SRGAP3: variants seen among roughly 807,000 people sequenced by gnomAD.
SRGAP3 encodes SLIT-ROBO Rho GTPase-activating protein 3.
SRGAP3 carries 39 observed loss-of-function variants against 121.1 expected under a neutral mutation model. That is an observed-to-expected ratio of 0.32 (90% confidence interval 0.25 to 0.42). The LOEUF (loss-of-function observed/expected upper bound fraction) is 0.42. SRGAP3 is among the 10% of genes least tolerant of loss of function. The pLI is 1.00. For synonymous variants in SRGAP3, 601 were observed against 570.0 expected, an observed-to-expected ratio of 1.05 and a Z score of -0.77; for missense variants, 1,213 against 1,470.6, an observed-to-expected ratio of 0.82 and a Z score of 2.86.
Position 9,284,110 on chromosome 3 carries a change from C to T in SRGAP3, n.442+41900G>A, listed in dbSNP as rs116115008. Among the ~76,000 whole-genome samples, 205 of 150,922 alleles carry T rather than the reference C, an allele frequency of 1.4e-3. 1 individual carries two copies. Among genetic ancestry groups the T allele is most frequent in the African/African-American group, 4.6e-3 (190 of 41,182 alleles). On this transcript the variant is annotated intron_variant and non_coding_transcript_variant, in intron 3 of 3. Transcript: ENST00000490889. The stretch of plus-strand genomic sequence containing the variant: ...TAGAGTTGTATGTCACTCATTCTCC[C>T]GAGTTAAAAAAAAATGGTGTTTAAT...
intron 1 of SRGAP3, among the ~76,000 whole-genome samples, chr3:9,146,603 G>T (rs1268099850): frequency 6.6e-6 from 1 of 152,202 alleles, no homozygotes; most frequent in Non-Finnish European, 1.5e-5. Flanking sequence ...CATGGGAGAT[G>T]ATGAGATTTC....
intron 9 of SRGAP3, 145 bp downstream of exon 9, chr3:9,052,882 C>T: frequency 1.0e-6 from 1 of 997,816 alleles, no homozygotes; most frequent in Non-Finnish European, 1.5e-6. Flanking sequence ...AGCCAGGCAA[C>T]TTAATTTTAA....
Position 9,032,949 on chromosome 3 carries a change from AT to A in SRGAP3, c.1437-198del, listed in dbSNP as rs984691129. Among the ~76,000 whole-genome samples the A allele has an allele frequency of 9.5e-4, 145 of 152,206 alleles. 2 individuals are homozygous for A. Among genetic ancestry groups the A allele is most frequent in the South Asian group, 3.7e-3 (18 of 4,820 alleles). ...TTTAGGGGACCTTAATTTACCCACA[AT>A]GCCAAGCAGGAGCAACTCTTACATA... On this transcript the variant is annotated intron_variant, in intron 11 of 21. Coordinates refer to ENST00000383836, the MANE Select transcript of SRGAP3 (RefSeq NM_014850.4).
chr3:9,162,060 T>G (rs544462422), intron 1 of SRGAP3, among the ~76,000 whole-genome samples: 16 of 152,108 alleles, frequency 1.1e-4, no homozygotes, highest in South Asian at 2.1e-4. Context: ...AATAAGCCAG[T>G]CACAAAAGAC....
At chr3:9,164,692 T>C (rs1560312847) in intron 1 of SRGAP3, among the ~76,000 whole-genome samples, 1 of 152,210 alleles carries the variant, frequency 6.6e-6, no homozygotes, top group African/African-American at 2.4e-5. Flanking sequence ...AGCATCTCCT[T>C]GCTGGTTGAA....
In SRGAP3 at chr3:9,104,706, C is replaced by T. The variant is rs772598581; in HGVS notation, c.397G>A (p.Glu133Lys). The T allele has an allele frequency of 6.2e-7, 1 of 1,614,222 alleles. No individual in the cohort carries two copies. Among genetic ancestry groups the T allele is most frequent in the Non-Finnish European group, 8.5e-7 (1 of 1,180,042 alleles). Reference protein sequence around the residue: ...NVIVRLSQISEDVIRLFKKSK... With the variant: ...NVIVRLSQISKDVIRLFKKSK... ...TTTTTGAAGAGTCTGATGACATCCT[C>T]ACTGATCTGGGAGAGGCGGACGATG... The change falls in exon 3 of 22, where the codon GAG (glutamate) becomes AAG (lysine). Residue 133 changes from glutamate to lysine, a missense_variant. By Grantham distance (56) the Glu-to-Lys change is moderately conservative (BLOSUM62 1). Coordinates refer to ENST00000383836, the MANE Select transcript of SRGAP3 (RefSeq NM_014850.4).
chr3:9,249,673 C>A (rs1267601525), upstream of SRGAP3: 1 of 233,390 alleles, frequency 4.3e-6, no homozygotes, highest in African/African-American at 2.2e-5. Flanking sequence ...TGGCTGAGCT[C>A]TCCCCCACTG....
Position 8,985,295 on chromosome 3 carries a change from C to A in SRGAP3, c.*224G>T. 1 of 954,810 alleles carries A rather than the reference C, an allele frequency of 1.0e-6. No homozygotes were observed. The highest frequency in any genetic ancestry group is 1.5e-6 in the Non-Finnish European group (1 of 676,898). The allele number at this position is 954,810 out of a possible 1,614,324, so 59.1% of individuals were successfully genotyped here. A position where few individuals can be genotyped will look rare whatever the true frequency, so the allele number is the denominator to read the frequency against. On this transcript the variant is annotated 3_prime_UTR_variant, in exon 22 of 22. Transcript: ENST00000383836. This position sits in a 1 kb window ranked among gnomAD's most constrained non-coding sequence, Gnocchi z 5.1. ...GTGGTTGGGGCTGCTGGAGCTCCAG[C>A]ACTCCTCTGGTCGTCTGTTGACACG...
intron 1 of SRGAP3, among the ~76,000 whole-genome samples, chr3:9,211,418 C>A (rs958886658): frequency 2.6e-5 from 4 of 152,282 alleles, no homozygotes; most frequent in African/African-American, 9.6e-5. Context: ...AATTCTATTC[C>A]CCAACCACCT....
chr3:9,212,141 T>C (rs9830984), intron 1 of SRGAP3, among the ~76,000 whole-genome samples: 1,749 of 152,262 alleles, frequency 0.011, 33 homozygotes, highest in African/African-American at 0.04. Flanking sequence ...AATAATTAAT[T>C]TTCCCCTTTT....
chr3:9,030,421 C>T (rs557144314), intron 12 of SRGAP3, among the ~76,000 whole-genome samples: 3 of 152,320 alleles, frequency 2.0e-5, no homozygotes, highest in East Asian at 1.9e-4. Flanking sequence ...CAGCTTCAAA[C>T]GGAGCTTTCT....
chr3:9,160,823 A>G (rs1228697703), intron 1 of SRGAP3, among the ~76,000 whole-genome samples: 3 of 152,250 alleles, frequency 2.0e-5, no homozygotes, highest in Non-Finnish European at 2.9e-5. Context: ...TAGGCTATGT[A>G]CTATTCCCCA....
intron 18 of SRGAP3, among the ~76,000 whole-genome samples, chr3:9,009,355 C>G (rs1396463449): frequency 6.6e-6 from 1 of 152,092 alleles, no homozygotes; most frequent in Non-Finnish European, 1.5e-5. Flanking sequence ...GAAAACTATC[C>G]CAGGTGCTTG....
chr3:9,006,040 T>C (rs1436684055), intron 18 of SRGAP3, among the ~76,000 whole-genome samples: 2 of 152,158 alleles, frequency 1.3e-5, no homozygotes, highest in Non-Finnish European at 2.9e-5. Flanking sequence ...TTACTAGGGA[T>C]TAGGAGCATA....
intron 3 of SRGAP3, among the ~76,000 whole-genome samples, chr3:9,286,733 G>C (rs1954781557): frequency 6.7e-6 from 1 of 149,784 alleles, no homozygotes; most frequent in Non-Finnish European, 1.5e-5. Flanking sequence ...CTCCTGAGTA[G>C]CTGGGACTAC....
At chr3:9,197,750 G>C (rs1951957498) in intron 1 of SRGAP3, among the ~76,000 whole-genome samples, 1 of 152,150 alleles carries the variant, frequency 6.6e-6, no homozygotes, top group Admixed American at 6.5e-5. Context: ...CAGAATCCCT[G>C]TTCTCTAACT....
chr3:9,155,801 C>A (rs1950396352), intron 1 of SRGAP3, among the ~76,000 whole-genome samples: 2 of 152,058 alleles, frequency 1.3e-5, no homozygotes, highest in Admixed American at 1.3e-4. Flanking sequence ...ATTACTTATT[C>A]TTTTTTATAG....
At chr3:9,346,233 T>C (rs146163161) in intron 1 of SRGAP3, among the ~76,000 whole-genome samples, 86 of 152,092 alleles carry the variant, frequency 5.7e-4, no homozygotes, top group African/African-American at 2.0e-3. Flanking sequence ...TTTTTCTATC[T>C]TTAAATTTTT....
intron 1 of SRGAP3, among the ~76,000 whole-genome samples, chr3:9,135,778 T>G (rs1259734220): frequency 6.6e-6 from 1 of 152,220 alleles, no homozygotes; most frequent in Non-Finnish European, 1.5e-5. Flanking sequence ...CGGAAGGGCA[T>G]GCACTCACAA....
Sources: allele counts gnomAD v4.1 joint callset (sites outside exome capture counted in the v4.1 genomes callset), GRCh38; gene constraint gnomAD v4.1.1; non-coding constraint Gnocchi (gnomAD v3.1); transcripts MANE v1.5; gene names NCBI Gene and HGNC (gene_info 2026-07-23, HGNC 2026-07-21).